DLGAP2: variants seen among roughly 807,000 people sequenced by gnomAD.
DLGAP2 encodes the protein disks large-associated protein 2.
Under a neutral mutation model 100.3 loss-of-function variants are expected in DLGAP2, and 26 were observed. The observed-to-expected ratio is 0.26, with a 90% CI of 0.19 to 0.36. DLGAP2 has a LOEUF of 0.36. DLGAP2 is among the 10% of genes least tolerant of loss of function. The pLI is 1.00. For synonymous variants in DLGAP2, 886 were observed against 630.1 expected, an observed-to-expected ratio of 1.41 and a Z score of -6.08; for missense variants, 1,858 against 1,453.2, an observed-to-expected ratio of 1.28 and a Z score of -4.53.
intron 8 of DLGAP2, among the ~76,000 whole-genome samples, chr8:1,656,681 C>T (rs1297457449): frequency 6.6e-6 from 1 of 152,190 alleles, no homozygotes; most frequent in Non-Finnish European, 1.5e-5. Context: ...AATACATTTC[C>T]TTTAAGCATC....
intron 1 of DLGAP2, among the ~76,000 whole-genome samples, chr8:837,889 TTTTG>T (rs1563057046): frequency 7.6e-6 from 1 of 132,104 alleles, no homozygotes; most frequent in Non-Finnish European, 1.7e-5. Context: ...GCTAGTTGTT[TTTTG>T]TTTTTTTTTT....
chr8:984,338 C>G (rs112551521), intron 2 of DLGAP2, among the ~76,000 whole-genome samples: 4 of 152,150 alleles, frequency 2.6e-5, no homozygotes, highest in African/African-American at 9.7e-5. Context: ...CAGTGCATGC[C>G]TTTCATTTTT....
chr8:1,465,622 A>C (rs1798606095), intron 3 of DLGAP2, among the ~76,000 whole-genome samples: 1 of 152,196 alleles, frequency 6.6e-6, no homozygotes, highest in African/African-American at 2.4e-5. Context: ...TGGAAGCTCC[A>C]CAAAAACCCC....
chr8:842,259 C>G (rs1292216049), intron 1 of DLGAP2, among the ~76,000 whole-genome samples: 1 of 152,194 alleles, frequency 6.6e-6, no homozygotes, highest in East Asian at 1.9e-4. Flanking sequence ...GGGAACAATA[C>G]TCCTTGAGCG....
chr8:998,822 A>C (rs145283587), intron 2 of DLGAP2, among the ~76,000 whole-genome samples: 3 of 152,204 alleles, frequency 2.0e-5, no homozygotes, highest in African/African-American at 7.2e-5. Context: ...TCATAACAGC[A>C]GTCTTTATAC....
chr8:1,047,086 T>C (rs1431156778), intron 2 of DLGAP2, among the ~76,000 whole-genome samples: 1 of 152,240 alleles, frequency 6.6e-6, no homozygotes, highest in East Asian at 1.9e-4. Flanking sequence ...CACTATCTAA[T>C]TGCAGAATAT....
At chr8:1,051,123 A>G (rs1009573994) in intron 2 of DLGAP2, among the ~76,000 whole-genome samples, 1 of 151,386 alleles carries the variant, frequency 6.6e-6, no homozygotes, top group Non-Finnish European at 1.5e-5. Context: ...GGGTCATTCC[A>G]TGATGGCCCT....
chr8:1,190,545 G>A (rs1453616063), intron 2 of DLGAP2, among the ~76,000 whole-genome samples: 2 of 152,146 alleles, frequency 1.3e-5, no homozygotes, highest in Non-Finnish European at 2.9e-5. Flanking sequence ...TGGCCGCCCC[G>A]TCCTTGCTTC....
At chr8:774,458 C>T (rs1821456489) in intron 1 of DLGAP2, among the ~76,000 whole-genome samples, 1 of 152,122 alleles carries the variant, frequency 6.6e-6, no homozygotes, top group South Asian at 2.1e-4. Flanking sequence ...CCTAGGTTTT[C>T]TTCTAGGGTT....
chr8:879,552 A>G (rs1489714338), intron 1 of DLGAP2, among the ~76,000 whole-genome samples: 1 of 152,128 alleles, frequency 6.6e-6, no homozygotes, highest in Non-Finnish European at 1.5e-5. Flanking sequence ...TAGTCTTTGA[A>G]CATCTCTGGT....
chr8:1,231,840 C>T (rs961297493), intron 2 of DLGAP2, among the ~76,000 whole-genome samples: 3 of 152,124 alleles, frequency 2.0e-5, no homozygotes, highest in African/African-American at 7.2e-5. Context: ...TGTTGGAAAA[C>T]TACTGGGTAC....
chr8:897,352 C>G (rs183041200), intron 1 of DLGAP2, among the ~76,000 whole-genome samples: 2 of 152,270 alleles, frequency 1.3e-5, no homozygotes, highest in African/African-American at 4.8e-5. Flanking sequence ...CACGATTGTG[C>G]CGATGTATCT....
intron 2 of DLGAP2, among the ~76,000 whole-genome samples, chr8:1,254,888 C>CGTGCTGTGTGTGTGCCCTCTCCTGCCCGG (rs1799137817): frequency 1.6e-5 from 2 of 128,738 alleles, no homozygotes; most frequent in African/African-American, 7.3e-5. Flanking sequence ...CTCCTGCCCG[C>CGTGCTGTGTGTGTGCCCTCTCCTGCCCGG]GTGCTGTGTC....
intron 2 of DLGAP2, among the ~76,000 whole-genome samples, chr8:1,253,225 C>T (rs566622674): frequency 2.0e-4 from 31 of 152,324 alleles, no homozygotes; most frequent in African/African-American, 7.2e-4. Flanking sequence ...CCAGCCAAGG[C>T]CCCGGGCTGT....
chr8:1,551,856 A>G (rs1056130154), intron 5 of DLGAP2, among the ~76,000 whole-genome samples: 2 of 152,208 alleles, frequency 1.3e-5, no homozygotes, highest in Non-Finnish European at 2.9e-5. Context: ...GTCAGTGGTC[A>G]CATTCCCCTG....
At chr8:1,608,581 C>G (rs1796897880) in intron 6 of DLGAP2, among the ~76,000 whole-genome samples, 3 of 129,398 alleles carry the variant, frequency 2.3e-5, no homozygotes, top group African/African-American at 5.7e-5. Context: ...TTCAGACGAT[C>G]AAATTACTCT....
intron 3 of DLGAP2, among the ~76,000 whole-genome samples, chr8:1,471,648 A>T (rs73534699): frequency 0.055 from 8,261 of 150,976 alleles, 784 homozygotes; most frequent in African/African-American, 0.19. Flanking sequence ...ATCCTCAAAC[A>T]ACCACCCCAC....
intron 3 of DLGAP2, among the ~76,000 whole-genome samples, chr8:1,336,166 C>A (rs17816653): frequency 0.17 from 25,785 of 152,298 alleles, 2,668 homozygotes; most frequent in Admixed American, 0.27. Context: ...TCTGTGGATT[C>A]GTTCTGAGCA....
chr8:1,179,417 G>C (rs1271257515), intron 2 of DLGAP2, among the ~76,000 whole-genome samples: 1 of 152,220 alleles, frequency 6.6e-6, no homozygotes, highest in African/African-American at 2.4e-5. Flanking sequence ...TGTGCTGCCA[G>C]CTTTCTGGGA....
Sources: gnomAD v4.1 joint callset for allele counts (sites outside exome capture counted in the v4.1 genomes callset) on GRCh38, gnomAD v4.1.1 for gene constraint, MANE v1.5 for transcripts, NCBI Gene and HGNC (gene_info 2026-07-23, HGNC 2026-07-21) for gene names.